GPHN: variants seen among roughly 807,000 people sequenced by gnomAD.
The protein encoded by GPHN is gephyrin.
GPHN carries 17 observed loss-of-function variants against 95.5 expected under a neutral mutation model. That is an observed-to-expected ratio of 0.18 (90% CI 0.12 to 0.27). GPHN has a LOEUF of 0.27. Among genes scored for constraint, GPHN ranks in the 10% least tolerant of loss-of-function variants. GPHN has a pLI of 1.00. For synonymous variants in GPHN, 320 were observed against 322.5 expected (o/e 0.99, Z 0.08); for missense variants, 660 against 978.1 (o/e 0.67, Z 4.34).
At chr14:67,326,826 A>G in the GPHN span, among the ~76,000 whole-genome samples, 4 of 152,220 alleles carry the variant, frequency 2.6e-5, no homozygotes, top group African/African-American at 4.8e-5. Context: ...TGAGTAATAT[A>G]CTATGATATT....
chr14:66,629,053 A>G (rs967301974), intron 1 of GPHN, among the ~76,000 whole-genome samples: 1 of 145,844 alleles, frequency 6.9e-6, no homozygotes, highest in African/African-American at 2.5e-5. Context: ...TGGGAGACAG[A>G]GTAAGACCCC....
the GPHN span, among the ~76,000 whole-genome samples, chr14:67,682,917 G>A: frequency 6.6e-6 from 1 of 152,322 alleles, no homozygotes; most frequent in Non-Finnish European, 1.5e-5. Flanking sequence ...ATGAAGTACT[G>A]ACACATGCTT....
At chr14:67,600,376 T>C in the GPHN span, 2 of 560,172 alleles carry the variant, frequency 3.6e-6, no homozygotes, top group Non-Finnish European at 6.1e-6. Flanking sequence ...GGTTGTGCGT[T>C]CTTCCGGGCC....
the GPHN span, chr14:67,593,538 T>G: frequency 1.9e-6 from 1 of 532,078 alleles, no homozygotes; most frequent in Non-Finnish European, 3.3e-6. Context: ...AAAATGCCAG[T>G]GATAATTTTG....
chr14:67,640,493 T>C, the GPHN span, among the ~76,000 whole-genome samples: 4 of 152,220 alleles, frequency 2.6e-5, no homozygotes, highest in Non-Finnish European at 4.4e-5. Context: ...TTTTTATATT[T>C]CTTCAGAATT....
chr14:67,251,697 T>A, the GPHN span, among the ~76,000 whole-genome samples: 2,994 of 152,350 alleles, frequency 0.02, 41 homozygotes, highest in Middle Eastern at 0.034. Context: ...TCTTTGTCCC[T>A]GACAGCTGAC....
chr14:66,881,442 A>G (rs1472396693), intron 5 of GPHN, among the ~76,000 whole-genome samples: 1 of 151,892 alleles, frequency 6.6e-6, no homozygotes, highest in African/African-American at 2.4e-5. Context: ...ACATCAGGAA[A>G]GAATTAAACT....
chr14:67,152,108 C>T (rs1478258130), intron 18 of GPHN, among the ~76,000 whole-genome samples: 2 of 152,150 alleles, frequency 1.3e-5, no homozygotes, highest in African/African-American at 4.8e-5. Flanking sequence ...CCTTTCTTGG[C>T]TTACTCACTG....
the GPHN span, among the ~76,000 whole-genome samples, chr14:67,310,688 C>T: frequency 1.3e-5 from 2 of 152,028 alleles, no homozygotes; most frequent in Non-Finnish European, 2.9e-5. Context: ...TATTTTTAAC[C>T]AGATCATTTT....
intron 5 of GPHN, among the ~76,000 whole-genome samples, chr14:66,886,116 G>A (rs72728696): frequency 0.044 from 6,694 of 152,136 alleles, 189 homozygotes; most frequent in Middle Eastern, 0.068. Context: ...GTAAGCAAAA[G>A]TAAATATCAA....
At chr14:66,862,586 A>G (rs577463003) in intron 4 of GPHN, among the ~76,000 whole-genome samples, 10 of 152,216 alleles carry the variant, frequency 6.6e-5, no homozygotes, top group East Asian at 5.8e-4. Context: ...TGATACAAAA[A>G]TCCTCAACAA....
chr14:67,706,279 A>C, the GPHN span: 15 of 152,356 alleles, frequency 9.8e-5, no homozygotes, highest in African/African-American at 3.6e-4. Flanking sequence ...TAAAAATATA[A>C]TGTCATTTTC....
intron 2 of GPHN, among the ~76,000 whole-genome samples, chr14:66,714,709 C>CT (rs2070000186): frequency 6.6e-6 from 1 of 151,998 alleles, no homozygotes. Context: ...TTGTCAAATG[C>CT]TTTTTTTGCA....
chr14:66,904,414 C>T (rs1007473853), intron 5 of GPHN, among the ~76,000 whole-genome samples: 1 of 152,098 alleles, frequency 6.6e-6, no homozygotes, highest in Non-Finnish European at 1.5e-5. Flanking sequence ...TCTAGCTAGC[C>T]ACAGAGCGGT....
intron 1 of GPHN, among the ~76,000 whole-genome samples, chr14:66,654,522 A>G (rs536107799): frequency 7.5e-4 from 114 of 151,960 alleles, no homozygotes; most frequent in Non-Finnish European, 1.5e-3. Context: ...TGTTATTGTC[A>G]TGTTCGAGGG....
the GPHN span, among the ~76,000 whole-genome samples, chr14:67,340,820 C>T: frequency 6.6e-6 from 1 of 152,132 alleles, no homozygotes. Context: ...ATTGCAGGCG[C>T]GTGCCGCCAC....
chr14:67,604,380 A>C, the GPHN span, among the ~76,000 whole-genome samples: 1,404 of 152,298 alleles, frequency 9.2e-3, 15 homozygotes, highest in African/African-American at 0.03. Context: ...GTGTTGTATA[A>C]TATTTTGTCC....
At chr14:67,010,594 CAT>C (rs932575554) in intron 9 of GPHN, among the ~76,000 whole-genome samples, 3 of 144,684 alleles carry the variant, frequency 2.1e-5, no homozygotes, top group East Asian at 2.0e-4. Context: ...AATAAAGAAA[CAT>C]ATGTAAAACA....
chr14:67,421,907 A>G, the GPHN span, among the ~76,000 whole-genome samples: 1 of 152,118 alleles, frequency 6.6e-6, no homozygotes, highest in Non-Finnish European at 1.5e-5. Flanking sequence ...TGGCAGTCTG[A>G]TAGACAAATA....
Sources: allele counts gnomAD v4.1 joint callset (sites outside exome capture counted in the v4.1 genomes callset), GRCh38; gene constraint gnomAD v4.1.1; transcripts MANE v1.5; gene names NCBI Gene and HGNC (gene_info 2026-07-23, HGNC 2026-07-21).